The following TF variants were observed in gnomAD, a reference collection of about 807,000 sequenced individuals.
The protein encoded by TF is transferrin.
In TF, 55 loss-of-function variants were observed where a neutral mutation model predicts 82.4. The observed-to-expected ratio is 0.67, with a 90% CI of 0.54 to 0.84. The LOEUF is 0.84. Ranked by LOEUF, TF falls within the 40% of genes least tolerant of loss-of-function variation. The probability of loss-of-function intolerance (pLI) is 0.00; values close to 1 mark genes in which losing one functional copy is unlikely to be tolerated. For missense variants in TF, 737 were observed against 868.4 expected, an observed-to-expected ratio of 0.85 and a Z score of 1.90; for synonymous variants, 332 against 332.6, an observed-to-expected ratio of 1.00 and a Z score of 0.02.
At chr3:133,686,412 G>A in the TF span, among the ~76,000 whole-genome samples, 2 of 152,102 alleles carry the variant, frequency 1.3e-5, no homozygotes, top group Admixed American at 6.6e-5. Context: ...TGAACAGGCA[G>A]CCTACAGAAT....
chr3:133,686,078 AC>A, the TF span, among the ~76,000 whole-genome samples: 1 of 152,202 alleles, frequency 6.6e-6, no homozygotes, highest in Non-Finnish European at 1.5e-5. Context: ...GACAAACCTG[AC>A]AAAAACAAGA....
Position 133,755,368 on chromosome 3 carries a change from G to A in TF, c.508G>A (p.Ala170Thr), listed in dbSNP as rs1284851138. 3.1e-6 allele frequency: 5 copies of A among 1,614,176 alleles called. No homozygotes were observed. Among genetic ancestry groups the A allele is most frequent in the Non-Finnish European group, 3.4e-6 (4 of 1,180,042 alleles). The change falls in exon 5 of 17, where the codon GCC (alanine) becomes ACC (threonine). Residue 170 changes from alanine (A) to threonine (T), a missense_variant. By Grantham distance (58) the Ala-to-Thr change is moderately conservative. Transcript: ENST00000402696. ...CATTTCTCTGTGCTGAGCAGCAGTG[G>A]CCAATTTCTTCTCGGGCAGCTGTGC... ...EPRKPLEKAV[A>T]NFFSGSCAPC...
At chr3:133,747,943 A>G (rs1933548038) in intron 1 of TF, among the ~76,000 whole-genome samples, 1 of 152,060 alleles carries the variant, frequency 6.6e-6, no homozygotes, top group Admixed American at 6.5e-5. Flanking sequence ...AAAAAAAAAA[A>G]AAGGCATCAT....
chr3:133,772,176 G>A (rs1426162981), intron 14 of TF, among the ~76,000 whole-genome samples: 2 of 152,208 alleles, frequency 1.3e-5, no homozygotes, highest in East Asian at 3.8e-4. Flanking sequence ...ACCTAGTGTA[G>A]CACATAGTAC....
Position 133,748,500 on chromosome 3 carries a change from T to A in TF, c.132T>A (p.His44Gln). The A allele has an allele frequency of 6.2e-7, 1 of 1,614,148 alleles. No homozygotes were observed. The highest frequency in any genetic ancestry group is 8.5e-7 in the Non-Finnish European group (1 of 1,180,040). The change falls in exon 2 of 17, where the codon CAT becomes CAA. Residue 44 changes from histidine to glutamine, a missense_variant. Transcript: ENST00000402696. ...CTAAGTGCCAGAGTTTCCGCGACCA[T>A]ATGAAAAGCGTCATTCCATCCGATG... ...EATKCQSFRD[H>Q]MKSVIPSDGP...
chr3:133,706,610 A>G, the TF span, among the ~76,000 whole-genome samples: 1 of 152,078 alleles, frequency 6.6e-6, no homozygotes, highest in African/African-American at 2.4e-5. Context: ...AATGCGCATT[A>G]TGGTTTGAAA....
At chr3:133,741,882 A>G (rs1326737009), upstream of TF, among the ~76,000 whole-genome samples, 3 of 152,108 alleles carry the variant, frequency 2.0e-5, no homozygotes, top group Admixed American at 2.0e-4. Flanking sequence ...CTTTGTCATG[A>G]TGTCTTTGTT....
rs1027099016 is a variant in TF, at chr3:133,756,724, C to T, written c.692-107C>T. On this transcript the variant is annotated intron_variant, in intron 6 of 16. Coordinates refer to ENST00000402696, the MANE Select transcript of TF (RefSeq NM_001063.4). ...CATGTTCTCTGGCCTTCAGTGCTCA[C>T]TCCAGACCTCTCAGCTCATACTTTC... The T allele has an allele frequency of 3.5e-6, 5 of 1,431,762 alleles. No individual in the cohort carries two copies. In the African/African-American group the frequency reaches 5.6e-5, roughly 16 times the overall value. 88.7% of individuals were successfully genotyped at this position (1,431,762 alleles called of 1,614,324 possible). A position where few individuals can be genotyped will look rare whatever the true frequency, so the allele number is the denominator to read the frequency against.
chr3:133,689,493 G>T, the TF span, among the ~76,000 whole-genome samples: 1 of 151,964 alleles, frequency 6.6e-6, no homozygotes, highest in Non-Finnish European at 1.5e-5. Context: ...TTTAGTAAAA[G>T]TTTAATCAAA....
chr3:133,758,012 A>C, intron 8 of TF, 66 bp downstream of exon 8: 2 of 1,525,440 alleles, frequency 1.3e-6, no homozygotes, highest in Non-Finnish European at 1.8e-6. Flanking sequence ...CAGGGGCCAG[A>C]GATTGAGTCT....
At chr3:133,766,456 G>C in intron 12 of TF, 23 bp downstream of exon 12, 1 of 1,613,992 alleles carries the variant, frequency 6.2e-7, no homozygotes, top group South Asian at 1.1e-5. Flanking sequence ...TGGGAAGGAG[G>C]GCTGGTGAGG....
chr3:133,759,430 T>A, intron 9 of TF, 101 bp downstream of exon 9: 1 of 1,494,350 alleles, frequency 6.7e-7, no homozygotes, highest in Non-Finnish European at 9.2e-7. Context: ...TGCAAAAACC[T>A]GGCTCCCAGG....
In TF at chr3:133,775,920, G is replaced by T. The variant is rs148842085; in HGVS notation, c.1872+303G>T. On this transcript the variant is annotated intron_variant, in intron 15 of 16. Coordinates refer to ENST00000402696, the MANE Select transcript of TF (RefSeq NM_001063.4). ...ACTTCTCAGTTAACATGAGTATTAA[G>T]TGAAGACATGCACCCAAACGGCATA... Among the ~76,000 whole-genome samples, 531 of 152,218 alleles carry T rather than the reference G, an allele frequency of 3.5e-3. 5 individuals carry two copies. Among genetic ancestry groups the T allele is most frequent in the African/African-American group, 0.012 (480 of 41,526 alleles).
the TF span, chr3:133,709,980 A>T: frequency 7.1e-3 from 1,088 of 152,236 alleles, 8 homozygotes; most frequent in Non-Finnish European, 0.011. Flanking sequence ...TGCGTTGGTG[A>T]GCGCGAGTGT....
Position 133,757,868 on chromosome 3 carries a change from G to GT in TF, c.971dup (p.Arg327GlnfsTer11). 3 of 1,614,158 alleles carry GT rather than the reference G, an allele frequency of 1.9e-6. No homozygotes were observed. The highest frequency in any genetic ancestry group is 2.5e-6 in the Non-Finnish European group (3 of 1,180,024). On this transcript the variant is annotated frameshift_variant, in exon 8 of 17. Coordinates refer to ENST00000402696, the MANE Select transcript of TF (RefSeq NM_001063.4). LOFTEE classifies it high-confidence loss of function. ...GGACTCTGCCCACGGGTTTTTAAAA[G>GT]TCCCCCCCAGGATGGATGCCAAGAT...
chr3:133,755,770 C>A (rs182100333), intron 5 of TF: 2 of 521,238 alleles, frequency 3.8e-6, no homozygotes, highest in East Asian at 3.6e-5. Flanking sequence ...CTCGGTGGAT[C>A]GGGCAGAGCC....
the TF span, among the ~76,000 whole-genome samples, chr3:133,677,624 C>T: frequency 8.9e-4 from 136 of 152,152 alleles, 1 homozygote; most frequent in South Asian, 0.028. Flanking sequence ...GGCAACAGAG[C>T]AAGACTCTGT....
chr3:133,706,237 G>A, the TF span, among the ~76,000 whole-genome samples: 1 of 152,220 alleles, frequency 6.6e-6, no homozygotes, highest in Non-Finnish European at 1.5e-5. Flanking sequence ...ACTAAGTAGA[G>A]ACCTCACGAG....
chr3:133,727,474 CA>C, the TF span, among the ~76,000 whole-genome samples: 42 of 116,564 alleles, frequency 3.6e-4, no homozygotes, highest in African/African-American at 1.4e-3. Context: ...ACTAAGATTG[CA>C]ACCCCTGCCT....
Sources: gnomAD v4.1 joint callset for allele counts (sites outside exome capture counted in the v4.1 genomes callset) on GRCh38, gnomAD v4.1.1 for gene constraint, MANE v1.5 for transcripts, NCBI Gene and HGNC (gene_info 2026-07-23, HGNC 2026-07-21) for gene names.